The following MICAL2 variants were observed in gnomAD, a reference collection of about 807,000 sequenced individuals.
The protein encoded by MICAL2 is microtubule associated monooxygenase, calponin and LIM domain containing 2.
MICAL2 carries 77 observed loss-of-function variants against 127.3 expected under a neutral mutation model. The ratio of observed to expected loss-of-function variants is 0.60; its 90% confidence interval spans 0.50 to 0.73. The LOEUF is 0.73. Ranked by LOEUF, MICAL2 falls within the 30% of genes least tolerant of loss-of-function variation. The probability of loss-of-function intolerance (pLI) is 0.00; values close to 1 mark genes in which losing one functional copy is unlikely to be tolerated. For synonymous variants in MICAL2, 570 were observed against 551.1 expected, an observed-to-expected ratio of 1.03 and a Z score of -0.48; for missense variants, 1,351 against 1,434.4, an observed-to-expected ratio of 0.94 and a Z score of 0.94.
intron 3 of MICAL2, among the ~76,000 whole-genome samples, chr11:12,167,344 G>T (rs571135547): frequency 6.6e-6 from 1 of 152,192 alleles, no homozygotes; most frequent in Non-Finnish European, 1.5e-5. Context: ...CACACCTTTT[G>T]CTCCTGGGCC....
Position 12,241,168 on chromosome 11 carries a change from G to A in MICAL2, c.2337+6G>A. On this transcript the variant is annotated splice_donor_region_variant and intron_variant, in intron 18 of 27. Coordinates refer to ENST00000683283, the MANE Select transcript of MICAL2 (RefSeq NM_001282663.2). ...CACCTCCTCTGAAAAGGCAGGTAGG[G>A]CTCCTTCCAGTGGATGCTGTTTTGG... The A allele has an allele frequency of 6.2e-6, 10 of 1,612,198 alleles. No individual in the cohort carries two copies. The highest frequency in any genetic ancestry group is 8.5e-6 in the Non-Finnish European group (10 of 1,179,014).
chr11:12,358,280 C>A, intron 34 of MICAL2: 2 of 1,601,984 alleles, frequency 1.2e-6, no homozygotes, highest in East Asian at 2.3e-5. Context: ...CAGTGGTTTT[C>A]TTTTTTTTCT....
rs373334451 is a variant in MICAL2 at position 12,354,887 on chromosome 11, T to G, written c.5689+30T>G. 2.2e-5 allele frequency: 35 copies of G among 1,600,872 alleles called. No individual in the cohort carries two copies. In the African/African-American group the frequency reaches 4.7e-4, roughly 21 times the overall value. On this transcript the variant is annotated intron_variant, in intron 34 of 34. Transcript: ENST00000646065. The stretch of plus-strand genomic sequence containing the variant: ...GTATGCTTGGGCCTTTGTTGAGAAC[T>G]TCCCCCTAGAAAGGCTCCTGAGCAG...
At position 12,322,812 on chromosome 11, in the gene MICAL2, G is replaced by A. The variant is rs775506000; in HGVS notation, c.5329-1166G>A. Among the ~76,000 whole-genome samples, 6 of 151,932 alleles carry A rather than the reference G, an allele frequency of 3.9e-5. 1 individual carries two copies. The highest frequency in any genetic ancestry group is 9.7e-5 in the African/African-American group (4 of 41,350). On this transcript the variant is annotated intron_variant, in intron 30 of 34. Transcript: ENST00000646065. The stretch of plus-strand genomic sequence containing the variant: ...GCTAATTTAAAATATAATAATATAC[G>A]AATGCTATAAAAATCATGCTATTAG...
At chr11:12,271,517 G>A (rs1590716311), upstream of MICAL2, among the ~76,000 whole-genome samples, 1 of 152,146 alleles carries the variant, frequency 6.6e-6, no homozygotes, top group Non-Finnish European at 1.5e-5. Flanking sequence ...CCTGGTGGGT[G>A]TTCTCTCTGG....
intron 1 of MICAL2, among the ~76,000 whole-genome samples, chr11:12,114,512 C>T (rs1358842404): frequency 6.6e-6 from 1 of 152,194 alleles, no homozygotes; most frequent in Non-Finnish European, 1.5e-5. Flanking sequence ...CCATTACCCT[C>T]TGTGTTAACT....
chr11:12,115,089 G>A (rs1267081591), intron 1 of MICAL2, among the ~76,000 whole-genome samples: 1 of 152,154 alleles, frequency 6.6e-6, no homozygotes, highest in Non-Finnish European at 1.5e-5. Context: ...TCTCTAACCT[G>A]CCTTACTCTT....
At chr11:12,227,291 T>C in intron 15 of MICAL2, 160 bp downstream of exon 15, 2 of 592,926 alleles carry the variant, frequency 3.4e-6, no homozygotes, top group South Asian at 4.0e-5. Flanking sequence ...CTGAGTGTTT[T>C]TGGAAGTTCT....
chr11:12,199,668 A>C (rs1225998427), intron 3 of MICAL2, among the ~76,000 whole-genome samples: 2 of 151,962 alleles, frequency 1.3e-5, no homozygotes, highest in African/African-American at 4.8e-5. Flanking sequence ...CCTGGGGAGG[A>C]GCAGAAGTCA....
intron 16 of MICAL2, among the ~76,000 whole-genome samples, chr11:12,236,819 G>A (rs768304452): frequency 1.7e-4 from 26 of 151,558 alleles, no homozygotes; most frequent in Non-Finnish European, 3.2e-4. Flanking sequence ...TCCCTGGGCA[G>A]CTTTTAAAAG....
chr11:12,226,086 G>T, intron 13 of MICAL2, 85 bp from the exon 14 acceptor site: 1 of 1,331,882 alleles, frequency 7.5e-7, no homozygotes, highest in South Asian at 1.2e-5. Context: ...GTCACCCTCA[G>T]TGCTCCTTAC....
intron 1 of MICAL2, among the ~76,000 whole-genome samples, chr11:12,127,214 A>G (rs2133519576): frequency 6.6e-6 from 1 of 152,314 alleles, no homozygotes; most frequent in Non-Finnish European, 1.5e-5. Context: ...AGGACATTTC[A>G]GTCTAGGCAT....
chr11:12,201,430 A>G (rs1162235276), intron 3 of MICAL2, among the ~76,000 whole-genome samples: 3 of 151,234 alleles, frequency 2.0e-5, no homozygotes, highest in South Asian at 2.1e-4. Flanking sequence ...TTTGATCTCA[A>G]GCAGAAGGGC....
intron 1 of MICAL2, among the ~76,000 whole-genome samples, chr11:12,279,238 T>C (rs1034973078): frequency 2.0e-5 from 3 of 152,116 alleles, no homozygotes; most frequent in Admixed American, 1.3e-4. Flanking sequence ...CAGTCGGATA[T>C]GTATAGAGAA....
chr11:12,156,226 G>A (rs1466824871), intron 2 of MICAL2, among the ~76,000 whole-genome samples: 1 of 152,208 alleles, frequency 6.6e-6, no homozygotes, highest in Non-Finnish European at 1.5e-5. Context: ...TTCGTGGTGA[G>A]TCTCTTGGGT....
intron 7 of MICAL2, among the ~76,000 whole-genome samples, chr11:12,215,570 G>T (rs1278554574): frequency 6.6e-6 from 1 of 152,222 alleles, no homozygotes; most frequent in East Asian, 1.9e-4. Flanking sequence ...CTCAGGTGAT[G>T]CTGATGCTGT....
intron 3 of MICAL2, among the ~76,000 whole-genome samples, chr11:12,186,209 C>G (rs542654077): frequency 6.6e-5 from 10 of 152,286 alleles, no homozygotes; most frequent in African/African-American, 2.4e-4. Context: ...ATCTTGCCTA[C>G]GCAGGAATAG....
intron 32 of MICAL2, among the ~76,000 whole-genome samples, chr11:12,327,512 G>A (rs978183750): frequency 5.3e-5 from 8 of 152,200 alleles, no homozygotes; most frequent in African/African-American, 1.4e-4. Context: ...GTCAGCCCGC[G>A]GGCCTTGTAA....
intron 26 of MICAL2, chr11:12,261,679 A>G (rs1863130652): frequency 5.1e-6 from 5 of 985,414 alleles, no homozygotes; most frequent in Non-Finnish European, 6.0e-6. Flanking sequence ...GACAGTTTCT[A>G]TGGGGCGGGA....
Sources: allele counts gnomAD v4.1 joint callset (sites outside exome capture counted in the v4.1 genomes callset), GRCh38; gene constraint gnomAD v4.1.1; transcripts MANE v1.5; gene names NCBI Gene and HGNC (gene_info 2026-07-23, HGNC 2026-07-21).